The following ARID5B variants were observed in gnomAD, a reference collection of about 807,000 sequenced individuals.
ARID5B encodes AT-rich interaction domain 5B, also known as AT-rich interactive domain-containing protein 5B.
ARID5B carries 13 observed loss-of-function variants against 97.2 expected under a neutral mutation model. The ratio of observed to expected loss-of-function variants is 0.13; its 90% CI spans 0.09 to 0.21. The LOEUF (loss-of-function observed/expected upper bound fraction) is 0.21, where lower values mean the gene tolerates loss of function less well. Among genes scored for constraint, ARID5B ranks in the 10% least tolerant of loss-of-function variants. ARID5B has a pLI of 1.00. For synonymous variants in ARID5B, 556 were observed against 570.3 expected (o/e 0.97, Z 0.36); for missense variants, 1,210 against 1,465.3 (o/e 0.83, Z 2.84).
intron 7 of ARID5B, among the ~76,000 whole-genome samples, chr10:62,066,547 G>C (rs1346240330): frequency 1.3e-5 from 2 of 152,132 alleles, no homozygotes; most frequent in Non-Finnish European, 2.9e-5. Context: ...TTAAACACCA[G>C]AACTTACTAA....
rs536843591 is a variant in ARID5B, at chr10:62,007,339, C to CTCATTCAT, written c.733+7040_733+7047dup. The stretch of plus-strand genomic sequence containing the variant: ...TACAGTGCCTGACACATGATAGGCT[C>CTCATTCAT]TCATTCATTCATTCATTCATTCATT... On this transcript the variant is annotated intron_variant, in intron 4 of 9. Coordinates refer to ENST00000279873, the MANE Select transcript of ARID5B (RefSeq NM_032199.3). Among the ~76,000 whole-genome samples, 37 of 152,212 alleles carry CTCATTCAT rather than the reference C, an allele frequency of 2.4e-4. 1 individual carries two copies. In the East Asian group the frequency reaches 6.4e-3, roughly 26 times the overall value.
At chr10:61,924,720 T>C (rs1844072541) in intron 2 of ARID5B, among the ~76,000 whole-genome samples, 1 of 152,216 alleles carries the variant, frequency 6.6e-6, no homozygotes, top group South Asian at 2.1e-4. Flanking sequence ...TGTCAGTGAT[T>C]CTTGGAAGAC....
chr10:61,986,852 A>G (rs1329501942), intron 3 of ARID5B, among the ~76,000 whole-genome samples: 3 of 152,152 alleles, frequency 2.0e-5, no homozygotes, highest in Non-Finnish European at 4.4e-5. Flanking sequence ...TAGCCTGACT[A>G]CTTTGCATCT....
chr10:61,909,482 C>T (rs578178271), intron 2 of ARID5B, among the ~76,000 whole-genome samples: 1 of 152,148 alleles, frequency 6.6e-6, no homozygotes, highest in African/African-American at 2.4e-5. Flanking sequence ...CCAGCCACCG[C>T]GGCCGGCTAA....
chr10:62,013,482 A>G (rs1291992604), intron 4 of ARID5B, among the ~76,000 whole-genome samples: 1 of 152,136 alleles, frequency 6.6e-6, no homozygotes, highest in Non-Finnish European at 1.5e-5. Context: ...AGCAATTTTT[A>G]AGAATACATT....
chr10:62,045,447 A>T (rs1589272459), intron 4 of ARID5B, among the ~76,000 whole-genome samples: 1 of 139,638 alleles, frequency 7.2e-6, no homozygotes, highest in Non-Finnish European at 1.6e-5. Flanking sequence ...TTGCCAGGGT[A>T]TTTTTTTTTT....
At chr10:62,048,552 T>TTACG (rs1172047439) in intron 4 of ARID5B, among the ~76,000 whole-genome samples, 2 of 152,212 alleles carry the variant, frequency 1.3e-5, no homozygotes, top group Non-Finnish European at 2.9e-5. Flanking sequence ...CATTTAGAGT[T>TTACG]TACGTTTGTG....
chr10:62,009,466 C>T (rs903554441), intron 4 of ARID5B, among the ~76,000 whole-genome samples: 4 of 152,170 alleles, frequency 2.6e-5, no homozygotes, highest in Non-Finnish European at 5.9e-5. Flanking sequence ...GAGGCCATTA[C>T]AAATGTTCTT....
chr10:61,978,725 C>T (rs10128492), intron 3 of ARID5B, among the ~76,000 whole-genome samples: 2,408 of 152,188 alleles, frequency 0.016, 63 homozygotes, highest in African/African-American at 0.055. Flanking sequence ...CCTGAGACTT[C>T]GCTGAAGTTG....
intron 4 of ARID5B, among the ~76,000 whole-genome samples, chr10:62,011,242 C>T (rs901251878): frequency 6.6e-6 from 1 of 152,148 alleles, no homozygotes; most frequent in Non-Finnish European, 1.5e-5. Context: ...AATCTTTTAA[C>T]AAGGGTATTA....
At chr10:61,964,163 T>C (rs929048579) in intron 3 of ARID5B, among the ~76,000 whole-genome samples, 1 of 152,102 alleles carries the variant, frequency 6.6e-6, no homozygotes, top group Non-Finnish European at 1.5e-5. Context: ...AGGGCCACGA[T>C]AGCAGCCAGG....
chr10:61,919,001 T>A (rs1388246522), intron 2 of ARID5B, among the ~76,000 whole-genome samples: 1 of 140,660 alleles, frequency 7.1e-6, no homozygotes, highest in Non-Finnish European at 1.5e-5. Context: ...GCCACTGCAC[T>A]GCAACTCCAG....
intron 4 of ARID5B, among the ~76,000 whole-genome samples, chr10:62,002,721 A>C (rs1839095726): frequency 6.6e-6 from 1 of 152,218 alleles, no homozygotes; most frequent in Non-Finnish European, 1.5e-5. Context: ...GAAGAACATA[A>C]ATTTAATTAG....
chr10:62,026,674 G>A (rs2132898372), intron 4 of ARID5B, among the ~76,000 whole-genome samples: 1 of 152,280 alleles, frequency 6.6e-6, no homozygotes, highest in Non-Finnish European at 1.5e-5. Flanking sequence ...CTTCCCTTCT[G>A]CCTTGTGGGA....
chr10:61,925,443 G>C (rs1281167045), intron 2 of ARID5B, among the ~76,000 whole-genome samples: 1 of 151,718 alleles, frequency 6.6e-6, no homozygotes, highest in African/African-American at 2.4e-5. Context: ...AACCTGAAAG[G>C]AGTTAAAAAA....
intron 8 of ARID5B, among the ~76,000 whole-genome samples, chr10:62,081,664 T>C (rs1840215422): frequency 6.6e-6 from 1 of 152,222 alleles, no homozygotes; most frequent in Admixed American, 6.5e-5. Flanking sequence ...GATTTTAGAC[T>C]TTGTAAATAT....
At chr10:61,994,715 A>G (rs1002490656) in intron 3 of ARID5B, among the ~76,000 whole-genome samples, 3 of 152,184 alleles carry the variant, frequency 2.0e-5, no homozygotes, top group Admixed American at 1.3e-4. Flanking sequence ...CAGTTTCGCT[A>G]TGGAATTCTG....
chr10:61,958,040 G>T (rs1447001298), intron 3 of ARID5B, among the ~76,000 whole-genome samples: 1 of 152,114 alleles, frequency 6.6e-6, no homozygotes, highest in Non-Finnish European at 1.5e-5. Flanking sequence ...TAGATTGGAG[G>T]GTTTCTGGTT....
chr10:62,078,546 A>C (rs1840168092), intron 8 of ARID5B, among the ~76,000 whole-genome samples: 1 of 152,148 alleles, frequency 6.6e-6, no homozygotes, highest in South Asian at 2.1e-4. Context: ...TTCTGAAGTC[A>C]TTGGGCTTTT....
Sources: allele counts gnomAD v4.1 joint callset (sites outside exome capture counted in the v4.1 genomes callset), GRCh38; gene constraint gnomAD v4.1.1; transcripts MANE v1.5; gene names NCBI Gene and HGNC (gene_info 2026-07-23, HGNC 2026-07-21).